PREX1: variants seen among roughly 807,000 people sequenced by gnomAD.
PREX1 encodes phosphatidylinositol-3,4,5-trisphosphate dependent Rac exchange factor 1.
Under a neutral mutation model 198.3 loss-of-function variants are expected in PREX1, and 41 were observed. The observed-to-expected ratio is 0.21, with a 90% CI of 0.16 to 0.27. The LOEUF is 0.27. Ranked by LOEUF, PREX1 falls within the 10% of genes least tolerant of loss-of-function variation. PREX1 has a pLI of 1.00. For synonymous variants in PREX1, 843 were observed against 887.2 expected (o/e 0.95, Z 0.89); for missense variants, 1,620 against 2,200.7 (o/e 0.74, Z 5.28).
intron 30 of PREX1, among the ~76,000 whole-genome samples, chr20:48,638,592 C>T (rs1832840927): frequency 6.6e-6 from 1 of 152,184 alleles, no homozygotes; most frequent in Admixed American, 6.5e-5. Context: ...AGGGTAAGAA[C>T]GAGAGCAGCT....
intron 7 of PREX1, among the ~76,000 whole-genome samples, chr20:48,693,846 G>GATCT: frequency 6.6e-6 from 1 of 151,936 alleles, no homozygotes; most frequent in Non-Finnish European, 1.5e-5. Flanking sequence ...CTGACCTCAT[G>GATCT]ATCTGCCTGC....
At chr20:48,688,855 G>A in intron 9 of PREX1, 51 bp from the exon 10 acceptor site, 1 of 1,608,750 alleles carries the variant, frequency 6.2e-7, no homozygotes, top group Non-Finnish European at 8.5e-7. Context: ...CCAGGGCAGG[G>A]GGGGTAGGGG....
chr20:48,674,563 A>G (rs2089695988), intron 14 of PREX1, among the ~76,000 whole-genome samples: 1 of 152,190 alleles, frequency 6.6e-6, no homozygotes, highest in Admixed American at 6.5e-5. Context: ...CTCGCTGAAA[A>G]ATTCACAGAA....
chr20:48,845,715 A>AG, the PREX1 span, among the ~76,000 whole-genome samples: 1 of 152,046 alleles, frequency 6.6e-6, no homozygotes, highest in East Asian at 1.9e-4. Context: ...AAAAAAAAAA[A>AG]AAAAAGAGCT....
the PREX1 span, among the ~76,000 whole-genome samples, chr20:48,833,951 C>T: frequency 6.6e-6 from 1 of 152,090 alleles, no homozygotes; most frequent in Non-Finnish European, 1.5e-5. Context: ...GTCCTGGTGG[C>T]GAGCACCTGT....
At chr20:48,750,625 G>A (rs980081882) in intron 1 of PREX1, among the ~76,000 whole-genome samples, 5 of 152,140 alleles carry the variant, frequency 3.3e-5, no homozygotes, top group African/African-American at 1.2e-4. Context: ...TCTGCCCTGA[G>A]CAGCCTCCTC....
upstream of PREX1, among the ~76,000 whole-genome samples, chr20:48,830,883 C>T (rs577165170): frequency 6.6e-6 from 1 of 152,194 alleles, no homozygotes; most frequent in Non-Finnish European, 1.5e-5. Context: ...TAAGTGAAGT[C>T]TTTTACAATG....
At chr20:48,715,736 GAAT>G (rs2089959268) in intron 5 of PREX1, among the ~76,000 whole-genome samples, 3 of 152,310 alleles carry the variant, frequency 2.0e-5, no homozygotes, top group Non-Finnish European at 4.4e-5. Context: ...TGCATAGTAG[GAAT>G]AATAGTGAAA....
At position 48,778,402 on chromosome 20, in the gene PREX1, C is replaced by T. The variant is rs575441499; in HGVS notation, c.220-30522G>A. 1.4e-4 allele frequency among the ~76,000 whole-genome samples: 21 copies of T among 148,474 alleles called. No individual in the cohort carries two copies. In the South Asian group the frequency reaches 4.1e-3, roughly 29 times the overall value. On this transcript the variant is annotated intron_variant, in intron 1 of 39. Transcript: ENST00000371941. ...CAGCCTGGCCAAAAGGATGAAATCC[C>T]GTCTCTACTAAAAGTCAAAAATCAA...
chr20:48,659,875 G>A lies in PREX1; in HGVS notation c.1881+44C>T, dbSNP rs779668951. 9 of 1,611,958 alleles carry A rather than the reference G, an allele frequency of 5.6e-6. No homozygotes were observed. The Admixed American group carries it at 1.3e-4, about 24-fold the overall frequency. ...GGTCGCCCAGCTCCCATGCCTGCAGGGGGCTCTGGCAAGGAAGGGACAGCT... is the reference window on the plus strand; with the variant it reads ...GGTCGCCCAGCTCCCATGCCTGCAGAGGGCTCTGGCAAGGAAGGGACAGCT... On this transcript the variant is annotated intron_variant, in intron 16 of 39. Coordinates refer to ENST00000371941, the MANE Select transcript of PREX1 (RefSeq NM_020820.4).
chr20:48,811,186 TTTA>T (rs1555799787), intron 1 of PREX1, among the ~76,000 whole-genome samples: 1 of 151,894 alleles, frequency 6.6e-6, no homozygotes, highest in Non-Finnish European at 1.5e-5. Context: ...CAATTTTTTT[TTTA>T]TTATTATTAA....
At chr20:48,731,960 T>C (rs2090036472) in intron 4 of PREX1, among the ~76,000 whole-genome samples, 1 of 152,242 alleles carries the variant, frequency 6.6e-6, no homozygotes, top group African/African-American at 2.4e-5. Context: ...GAGGGAATAC[T>C]GTCAGAGGGT....
intron 1 of PREX1, among the ~76,000 whole-genome samples, chr20:48,823,400 G>C (rs1262258583): frequency 6.6e-6 from 1 of 152,174 alleles, no homozygotes. Context: ...AGGGGAGTGG[G>C]GGGCAAGCTT....
the PREX1 span, among the ~76,000 whole-genome samples, chr20:48,846,264 G>C: frequency 6.6e-6 from 1 of 152,188 alleles, no homozygotes; most frequent in East Asian, 1.9e-4. Flanking sequence ...AGTGGGGCTT[G>C]GATTGGCCCA....
the PREX1 span, among the ~76,000 whole-genome samples, chr20:48,873,721 A>C: frequency 1.3e-5 from 2 of 151,840 alleles, no homozygotes; most frequent in East Asian, 1.9e-4. Context: ...ACTCTGTCTC[A>C]AAAAAAATAA....
In PREX1 at chr20:48,827,950, G is replaced by C. The variant is rs1381326398; in HGVS notation, c.-90C>G. On this transcript the variant is annotated 5_prime_UTR_variant, in exon 1 of 40. Coordinates refer to ENST00000371941, the MANE Select transcript of PREX1 (RefSeq NM_020820.4). This position sits in a 1 kb window ranked among gnomAD's most constrained non-coding sequence, Gnocchi z 4.1. ...GCCCCATCCCGGACGGGGCGCGCCG[G>C]CGGGCCGGGCTCAGCGGCGGGCCGG... 1 of 433,590 alleles carries C rather than the reference G, an allele frequency of 2.3e-6. No homozygotes were observed. Among genetic ancestry groups the C allele is most frequent in the Non-Finnish European group, 3.0e-6 (1 of 329,414 alleles). 26.9% of individuals were successfully genotyped at this position (433,590 alleles called of 1,614,324 possible).
rs1373152651 is a variant in PREX1, at chr20:48,661,468, T to TATATATATACAC, written c.1739-1408_1739-1407insGTGTATATATAT. Among the ~76,000 whole-genome samples, 26 of 76,792 alleles carry TATATATATACAC rather than the reference T, an allele frequency of 3.4e-4. 1 individual carries two copies. Among genetic ancestry groups the TATATATATACAC allele is most frequent in the African/African-American group, 2.3e-3 (23 of 9,960 alleles). The allele number at this position is 76,792 out of a possible 152,430, so 50.4% of individuals were successfully genotyped here. A position where few individuals can be genotyped will look rare whatever the true frequency, so the allele number is the denominator to read the frequency against. ...AAATATATATATATATATATATATA[T>TATATATATACAC]ACACACACATATATATAATATAATA... On this transcript the variant is annotated intron_variant, in intron 15 of 39. Transcript: ENST00000371941.
At chr20:48,662,780 G>A (rs1052033877) in intron 15 of PREX1, among the ~76,000 whole-genome samples, 2 of 152,152 alleles carry the variant, frequency 1.3e-5, no homozygotes, top group African/African-American at 2.4e-5. Context: ...TTTTGAGTTC[G>A]TGGCAGGGAA....
At chr20:48,742,379 G>A (rs1041724349) in intron 3 of PREX1, among the ~76,000 whole-genome samples, 3 of 152,178 alleles carry the variant, frequency 2.0e-5, no homozygotes, top group Admixed American at 1.3e-4. Flanking sequence ...ACCCTAGAAG[G>A]TGAGTTTTGT....
Sources: allele counts gnomAD v4.1 joint callset (sites outside exome capture counted in the v4.1 genomes callset), GRCh38; gene constraint gnomAD v4.1.1; non-coding constraint Gnocchi (gnomAD v3.1); transcripts MANE v1.5; gene names NCBI Gene and HGNC (gene_info 2026-07-23, HGNC 2026-07-21).